Variants in SNUPN observed in about 807,000 individuals in gnomAD.
The protein encoded by SNUPN is snurportin-1.
SNUPN carries 31 observed loss-of-function variants against 39.2 expected under a neutral mutation model. That is an observed-to-expected ratio of 0.79 (90% CI 0.59 to 1.07). SNUPN has a LOEUF of 1.07. Among genes scored for constraint, SNUPN ranks in the 50% least tolerant of loss-of-function variants. The probability of loss-of-function intolerance (pLI) is 0.00; values close to 1 mark genes in which losing one functional copy is unlikely to be tolerated. For synonymous variants in SNUPN, 132 were observed against 159.0 expected (o/e 0.83, Z 1.28); for missense variants, 382 against 434.2 (o/e 0.88, Z 1.07).
chr15:75,614,413 T>C (rs1166374945), intron 3 of SNUPN, among the ~76,000 whole-genome samples: 3 of 152,202 alleles, frequency 2.0e-5, no homozygotes, highest in Non-Finnish European at 2.9e-5. Context: ...AAATGTAGTC[T>C]ATCCATACAG....
At chr15:75,615,746 C>T (rs976348806) in intron 3 of SNUPN, among the ~76,000 whole-genome samples, 10 of 151,820 alleles carry the variant, frequency 6.6e-5, no homozygotes, top group Admixed American at 2.6e-4. Flanking sequence ...GGACTACAGG[C>T]GCCTGCCACC....
rs756579551 is a variant in SNUPN, at chr15:75,607,242, G to A, written c.574C>T (p.Arg192Trp). Residue 192 changes from arginine to tryptophan, a missense_variant, in exon 6 of 9, where the codon CGG becomes TGG. Physicochemically the swap from Arg to Trp is moderately radical, Grantham distance 101. Transcript: ENST00000308588. ...TYYVLDVMCW[R>W]GHPFYDCQTD... ...TGGCAATCATAAAAAGGGTGTCCCC[G>A]CCAGCACATCACATCCAGAACGTAG... 11 of 1,613,400 alleles carry A rather than the reference G, an allele frequency of 6.8e-6. No individual in the cohort carries two copies. The highest frequency in any genetic ancestry group is 2.2e-5 in the South Asian group (2 of 91,072).
chr15:75,602,130 C>T (rs2075292322), intron 7 of SNUPN, among the ~76,000 whole-genome samples: 5 of 152,088 alleles, frequency 3.3e-5, no homozygotes, highest in Admixed American at 2.6e-4. Context: ...ATGACATGAA[C>T]CCGGGAGGCG....
Position 75,601,127 on chromosome 15 carries a change from G to A in SNUPN, c.759+11C>T. The stretch of plus-strand genomic sequence containing the variant: ...ATCATGTCAAGGCAATAAAGACAAT[G>A]GTTTCGTTACCTCAAAAGGGAAATC... On this transcript the variant is annotated intron_variant, in intron 8 of 8. Transcript: ENST00000308588. 2 of 1,598,852 alleles carry A rather than the reference G, an allele frequency of 1.3e-6. No individual in the cohort carries two copies. The highest frequency in any genetic ancestry group is 8.6e-7 in the Non-Finnish European group (1 of 1,166,154).
intron 3 of SNUPN, among the ~76,000 whole-genome samples, chr15:75,615,365 T>C (rs1289568407): frequency 1.3e-5 from 2 of 152,080 alleles, no homozygotes; most frequent in Non-Finnish European, 2.9e-5. Flanking sequence ...CCCAACTCTA[T>C]GCCACTCTAC....
At chr15:75,625,916 T>C (rs2141384550), upstream of SNUPN, 1 of 152,508 alleles carries the variant, frequency 6.6e-6, no homozygotes, top group South Asian at 2.1e-4. Context: ...TTCTTGCATT[T>C]GCTTTGCACT....
intron 6 of SNUPN, 60 bp downstream of exon 6, chr15:75,607,156 C>T (rs1229296144): frequency 1.3e-5 from 16 of 1,252,358 alleles, no homozygotes; most frequent in African/African-American, 2.9e-5. Flanking sequence ...CATGCTGAGC[C>T]GCTTTCCCAG....
Position 75,598,497 on chromosome 15 carries a change from CTCT to C in SNUPN, c.941_943del (p.Lys314del). On this transcript the variant is annotated inframe_deletion, in exon 9 of 9. Transcript: ENST00000308588. ...TTTCTCCTTCATGCCTTCCTTCTGG[CTCT>C]TCTTGTGCTCCATAATCTGCTGGAG... 1.2e-6 allele frequency: 2 copies of C among 1,614,194 alleles called. No homozygotes were observed. Among genetic ancestry groups the C allele is most frequent in the East Asian group, 2.2e-5 (1 of 44,878 alleles).
intron 3 of SNUPN, among the ~76,000 whole-genome samples, chr15:75,612,871 C>G (rs1295582434): frequency 6.6e-6 from 1 of 151,852 alleles, no homozygotes. Context: ...AAATTCTGTG[C>G]TGCCAACAAT....
chr15:75,623,265 C>A (rs1014489729), intron 1 of SNUPN, among the ~76,000 whole-genome samples: 7 of 152,226 alleles, frequency 4.6e-5, no homozygotes, highest in Non-Finnish European at 8.8e-5. Flanking sequence ...CTGCCTCAGC[C>A]TCCCGCGTAG....
At chr15:75,613,940 C>T (rs1892863296) in intron 3 of SNUPN, among the ~76,000 whole-genome samples, 1 of 152,130 alleles carries the variant, frequency 6.6e-6, no homozygotes, top group Non-Finnish European at 1.5e-5. Context: ...GGTATATACA[C>T]AAGAGAAATG....
At chr15:75,608,370 G>A (rs1251953032) in intron 5 of SNUPN, among the ~76,000 whole-genome samples, 3 of 152,116 alleles carry the variant, frequency 2.0e-5, no homozygotes, top group African/African-American at 7.2e-5. Context: ...GCCACAGAGT[G>A]AGACCGTGTC....
At chr15:75,623,173 T>C (rs1445901540) in intron 1 of SNUPN, among the ~76,000 whole-genome samples, 1 of 152,160 alleles carries the variant, frequency 6.6e-6, no homozygotes, top group Admixed American at 6.5e-5. Flanking sequence ...AGACAGAGTT[T>C]CACTCTTGTT....
At chr15:75,615,966 G>T (rs1304699112) in intron 3 of SNUPN, among the ~76,000 whole-genome samples, 2 of 151,944 alleles carry the variant, frequency 1.3e-5, no homozygotes, top group African/African-American at 4.8e-5. Context: ...GAGCACAGGG[G>T]CTATTTCTGC....
intron 1 of SNUPN, chr15:75,624,718 C>T (rs1329056704): frequency 7.9e-7 from 1 of 1,263,852 alleles, no homozygotes; most frequent in Admixed American, 2.8e-5. Flanking sequence ...CCTTTACCTT[C>T]CTTCAAGGCT....
In SNUPN at chr15:75,621,144, C is replaced by T. The variant is rs1893058898; in HGVS notation, c.-5-88G>A. 4 of 1,295,516 alleles carry T rather than the reference C, an allele frequency of 3.1e-6. No individual in the cohort carries two copies. The South Asian group carries it at 4.3e-5, about 14-fold the overall frequency. The allele number at this position is 1,295,516 out of a possible 1,614,324, so 80.3% of individuals were successfully genotyped here. On this transcript the variant is annotated intron_variant, in intron 1 of 8. Coordinates refer to ENST00000308588, the MANE Select transcript of SNUPN (RefSeq NM_005701.4). Reference sequence around the variant, plus strand: ...TTATGCAGTTATGATATGATGGCCACATTCCTGAAAAAAAATTAACTTAAT... The same window carrying T: ...TTATGCAGTTATGATATGATGGCCATATTCCTGAAAAAAAATTAACTTAAT...
At chr15:75,598,969 C>A (rs770000814) in intron 8 of SNUPN, among the ~76,000 whole-genome samples, 1 of 151,938 alleles carries the variant, frequency 6.6e-6, no homozygotes, top group Non-Finnish European at 1.5e-5. Flanking sequence ...GAGTTTGAGA[C>A]CAGCCTGGGC....
intron 2 of SNUPN, among the ~76,000 whole-genome samples, chr15:75,619,620 CA>C (rs1031059822): frequency 7.2e-5 from 11 of 152,124 alleles, no homozygotes; most frequent in African/African-American, 2.7e-4. Flanking sequence ...CCGAACAACA[CA>C]GTGACACCCT....
intron 6 of SNUPN, among the ~76,000 whole-genome samples, chr15:75,605,641 A>G (rs1595982891): frequency 6.6e-6 from 1 of 152,318 alleles, no homozygotes; most frequent in East Asian, 1.9e-4. Context: ...TTGGAAATTT[A>G]AAAAGATACA....
Sources: gnomAD v4.1 joint callset for allele counts (sites outside exome capture counted in the v4.1 genomes callset) on GRCh38, gnomAD v4.1.1 for gene constraint, MANE v1.5 for transcripts, NCBI Gene and HGNC (gene_info 2026-07-23, HGNC 2026-07-21) for gene names.